The following TRIM55 variants were observed in gnomAD, a reference collection of about 807,000 sequenced individuals.
TRIM55 encodes the protein tripartite motif-containing protein 55.
In TRIM55, 50 loss-of-function variants were observed where a neutral mutation model predicts 60.9. That is an observed-to-expected ratio of 0.82 (90% CI 0.65 to 1.04). The LOEUF is 1.04. Ranked by LOEUF, TRIM55 falls within the 50% of genes least tolerant of loss-of-function variation. The pLI, the probability that TRIM55 is intolerant of heterozygous loss-of-function variation, is 0.00. For missense variants in TRIM55, 681 were observed against 666.9 expected (o/e 1.02, Z -0.23); for synonymous variants, 237 against 238.1 (o/e 1.00, Z 0.04).
At chr8:66,125,547 C>T (rs898877143), upstream of TRIM55, among the ~76,000 whole-genome samples, 1 of 152,120 alleles carries the variant, frequency 6.6e-6, no homozygotes, top group Non-Finnish European at 1.5e-5. Flanking sequence ...AGAAAATATC[C>T]CACATATTGT....
chr8:66,152,277 C>T (rs995217842), intron 7 of TRIM55, 100 bp from the exon 8 acceptor site: 42 of 1,453,452 alleles, frequency 2.9e-5, no homozygotes, highest in Non-Finnish European at 3.8e-5. Flanking sequence ...GAAAAACTCC[C>T]CAGCCTTGAC....
At chr8:66,137,758 G>GAAAAAA (rs34634925) in intron 4 of TRIM55, among the ~76,000 whole-genome samples, 1 of 116,316 alleles carries the variant, frequency 8.6e-6, no homozygotes, top group Non-Finnish European at 1.8e-5. Flanking sequence ...AATCAACACT[G>GAAAAAA]AAAAAAAAAA....
chr8:66,149,674 T>C lies in TRIM55; in HGVS notation c.633T>C (p.Leu211=). 1 of 1,614,126 alleles carries C rather than the reference T, an allele frequency of 6.2e-7. No homozygotes were observed. Among genetic ancestry groups the C allele is most frequent in the African/African-American group, 1.3e-5 (1 of 75,052 alleles). ...GTTGCAGAAAACAGAAACAAGAGCT[T>C]TGTGAGAAGTTTGATTACCTGTATG... ...EECCRKQKQE[L]CEKFDYLYGI... is the part of the protein sequence containing the mutation. The change falls in exon 5 of 10, where the codon CTT becomes CTC. Residue 211 remains leucine (L), a synonymous_variant. Coordinates refer to ENST00000315962, the MANE Select transcript of TRIM55 (RefSeq NM_184085.2).
In TRIM55 at chr8:66,154,166, A is replaced by T. The variant is rs755876598; in HGVS notation, c.1356A>T (p.Lys452Asn). 12 of 1,614,032 alleles carry T rather than the reference A, an allele frequency of 7.4e-6. 1 individual carries two copies. The East Asian group carries it at 2.5e-4, about 33-fold the overall frequency. Residue 452 changes from lysine (K) to asparagine (N), a missense_variant, in exon 9 of 10, where the codon AAA (lysine) becomes AAT (asparagine). By Grantham distance (94) the Lys-to-Asn change is moderately conservative. Transcript: ENST00000315962. ...GTTGGTATAAAGGCCAAACCCGGAA[A>T]GCCACCACCAACCCACCTTGCACCC... Reference protein sequence around the residue: ...YPSWYKGQTRKATTNPPCTPG... With the variant: ...YPSWYKGQTRNATTNPPCTPG...
At chr8:66,116,936 C>A in the TRIM55 span, among the ~76,000 whole-genome samples, 2 of 152,128 alleles carry the variant, frequency 1.3e-5, no homozygotes, top group African/African-American at 4.8e-5. Context: ...AATCCAACAA[C>A]ATATAAAAAG....
In TRIM55 at chr8:66,134,985, C is replaced by A; in HGVS notation, c.342-5C>A. On this transcript the variant is annotated splice_region_variant and splice_polypyrimidine_tract_variant and intron_variant, in intron 2 of 9. Coordinates refer to ENST00000315962, the MANE Select transcript of TRIM55 (RefSeq NM_184085.2). ...ATGGACATTTATCTGCCTACCTCCT[C>A]CCAGGCCAGAAAAGAAATCCGACCA... The A allele has an allele frequency of 1.2e-6, 2 of 1,613,972 alleles. No homozygotes were observed. The highest frequency in any genetic ancestry group is 1.7e-6 in the Non-Finnish European group (2 of 1,179,924).
At position 66,150,252 on chromosome 8, in the gene TRIM55, T is replaced by A. The variant is rs1028173129; in HGVS notation, c.860+13T>A. ...CCCTGCTAAAAAAGTAAGAACTTTT[T>A]ATTTTATGTAAAAATGCATATTTTC... On this transcript the variant is annotated intron_variant, in intron 6 of 9. Transcript: ENST00000315962. 5.0e-6 allele frequency: 8 copies of A among 1,613,098 alleles called. No individual in the cohort carries two copies. Among genetic ancestry groups the A allele is most frequent in the African/African-American group, 1.3e-5 (1 of 75,012 alleles).
chr8:66,171,594 A>G (rs1209463136), intron 9 of TRIM55, among the ~76,000 whole-genome samples: 1 of 152,252 alleles, frequency 6.6e-6, no homozygotes, highest in African/African-American at 2.4e-5. Flanking sequence ...AGAGGAGATC[A>G]GTGCTTGTAA....
chr8:66,115,471 A>G, the TRIM55 span, among the ~76,000 whole-genome samples: 1 of 152,196 alleles, frequency 6.6e-6, no homozygotes, highest in Non-Finnish European at 1.5e-5. Context: ...GAGGGGAGGA[A>G]CTGGCAGTGA....
intron 1 of TRIM55, among the ~76,000 whole-genome samples, 184 bp downstream of exon 1, chr8:66,127,620 C>T (rs889947891): frequency 6.8e-4 from 104 of 152,116 alleles, no homozygotes; most frequent in African/African-American, 1.8e-3. Context: ...TGAGGTCAGG[C>T]CTTCGAGACC....
Position 66,137,171 on chromosome 8 carries a change from A to G in TRIM55, c.584A>G (p.Asp195Gly). The change falls in exon 4 of 10, where the codon GAC becomes GGC. Residue 195 changes from aspartate to glycine, a missense_variant. Physicochemically the swap from Asp to Gly is moderately conservative, Grantham distance 94. Transcript: ENST00000315962. ...RVQGVISQLE[D>G]TCKTIEECCR... ...CAGGGAGTGATCAGCCAGCTGGAAG[A>G]CACCTGCAAAACTATCGAGGTGAGT... The G allele has an allele frequency of 6.2e-7, 1 of 1,614,056 alleles. No individual in the cohort carries two copies. The highest frequency in any genetic ancestry group is 8.5e-7 in the Non-Finnish European group (1 of 1,179,980).
chr8:66,170,651 A>G (rs941534419), intron 9 of TRIM55, among the ~76,000 whole-genome samples: 5 of 152,354 alleles, frequency 3.3e-5, no homozygotes, highest in African/African-American at 1.2e-4. Context: ...TTAAGCAATT[A>G]GGAGTGAGGA....
At chr8:66,114,091 C>CA in the TRIM55 span, among the ~76,000 whole-genome samples, 2 of 137,756 alleles carry the variant, frequency 1.5e-5, 1 homozygote, top group South Asian at 5.6e-4. Flanking sequence ...CACCCCCCCC[C>CA]CCATTATTTT....
chr8:66,150,445 C>A lies in TRIM55; in HGVS notation c.964C>A (p.Arg322Ser). 1 of 1,613,998 alleles carries A rather than the reference C, an allele frequency of 6.2e-7. No individual in the cohort carries two copies. The highest frequency in any genetic ancestry group is 8.5e-7 in the Non-Finnish European group (1 of 1,179,978). The change falls in exon 7 of 10, where the codon CGT (arginine) becomes AGT (serine). Residue 322 changes from arginine (R) to serine (S), a missense_variant. Transcript: ENST00000315962. ...VNLNREEKII[R>S]EIDFYREDED... ...CCTCAATAGAGAAGAAAAGATAATA[C>A]GTGAAATTGACTTTTACAGAGGTTT...
chr8:66,153,324 C>T (rs758037678), intron 8 of TRIM55, among the ~76,000 whole-genome samples: 26 of 152,130 alleles, frequency 1.7e-4, no homozygotes, highest in Non-Finnish European at 2.8e-4. Flanking sequence ...ATTGGTTGAC[C>T]TCATGTTTCT....
At chr8:66,172,991 G>A (rs1811729962) in intron 9 of TRIM55, among the ~76,000 whole-genome samples, 1 of 152,108 alleles carries the variant, frequency 6.6e-6, no homozygotes, top group Non-Finnish European at 1.5e-5. Context: ...TTGTTTATTA[G>A]CCAGGGTAAG....
intron 2 of TRIM55, among the ~76,000 whole-genome samples, chr8:66,132,876 A>C (rs528151124): frequency 1.6e-4 from 25 of 152,356 alleles, no homozygotes; most frequent in African/African-American, 6.0e-4. Context: ...AAAAAAATAA[A>C]TAAATTGAAT....
chr8:66,136,591 A>G (rs1459398549), intron 3 of TRIM55, among the ~76,000 whole-genome samples: 1 of 152,148 alleles, frequency 6.6e-6, no homozygotes, highest in Non-Finnish European at 1.5e-5. Flanking sequence ...AAGGAATTTA[A>G]AAGTTGACAT....
chr8:66,150,306 A>G lies in TRIM55; in HGVS notation c.861-36A>G, dbSNP rs373205100. ...TTTACCCAAGGCTATCCAATTTTCAACAGTGACAGAAAGTGGCAACTTGTC... is the reference window on the plus strand; with the variant it reads ...TTTACCCAAGGCTATCCAATTTTCAGCAGTGACAGAAAGTGGCAACTTGTC... On this transcript the variant is annotated intron_variant, in intron 6 of 9. Coordinates refer to ENST00000315962, the MANE Select transcript of TRIM55 (RefSeq NM_184085.2). The G allele has an allele frequency of 1.7e-5, 28 of 1,614,070 alleles. No homozygotes were observed. The Middle Eastern group carries it at 3.5e-3, about 200-fold the overall frequency.
Sources: allele counts gnomAD v4.1 joint callset (sites outside exome capture counted in the v4.1 genomes callset), GRCh38; gene constraint gnomAD v4.1.1; transcripts MANE v1.5; gene names NCBI Gene and HGNC (gene_info 2026-07-23, HGNC 2026-07-21).